The following DENND1A variants were observed in gnomAD, a reference collection of about 807,000 sequenced individuals.
DENND1A encodes DENN domain-containing protein 1A.
In DENND1A, 51 loss-of-function variants were observed where a neutral mutation model predicts 113.7. The observed-to-expected ratio is 0.45, with a 90% CI of 0.36 to 0.57. The LOEUF is 0.57. DENND1A is among the 20% of genes least tolerant of loss of function. DENND1A has a pLI of 0.00. For missense variants in DENND1A, 1,258 were observed against 1,395.9 expected (o/e 0.90, Z 1.57); for synonymous variants, 565 against 570.8 (o/e 0.99, Z 0.14).
At chr9:123,747,337 A>G (rs2131235594) in intron 5 of DENND1A, among the ~76,000 whole-genome samples, 1 of 152,300 alleles carries the variant, frequency 6.6e-6, no homozygotes, top group East Asian at 1.9e-4. Context: ...TTAACCTCAC[A>G]TGCAAAACTC....
intron 2 of DENND1A, among the ~76,000 whole-genome samples, chr9:123,795,176 C>T (rs940746361): frequency 1.3e-5 from 2 of 152,094 alleles, no homozygotes; most frequent in African/African-American, 4.8e-5. Flanking sequence ...GAAAGAAAAG[C>T]AATGCTTTTT....
chr9:123,867,714 C>T (rs1389049036), intron 2 of DENND1A, among the ~76,000 whole-genome samples: 1 of 152,096 alleles, frequency 6.6e-6, no homozygotes, highest in Non-Finnish European at 1.5e-5. Flanking sequence ...TGAACAGCTC[C>T]CCCAGTTCTC....
intron 13 of DENND1A, among the ~76,000 whole-genome samples, chr9:123,545,289 T>C (rs1589072043): frequency 6.6e-6 from 1 of 152,136 alleles, no homozygotes; most frequent in Non-Finnish European, 1.5e-5. Context: ...TTTCAGAGAA[T>C]GCAACCGCAC....
At chr9:123,516,229 T>C (rs1305938450) in intron 13 of DENND1A, among the ~76,000 whole-genome samples, 1 of 151,896 alleles carries the variant, frequency 6.6e-6, no homozygotes, top group African/African-American at 2.4e-5. Context: ...GTTGAAGCTG[T>C]GTGATGGGTA....
At chr9:123,688,899 A>T (rs972881342) in intron 5 of DENND1A, among the ~76,000 whole-genome samples, 5 of 133,152 alleles carry the variant, frequency 3.8e-5, no homozygotes, top group South Asian at 2.6e-4. Context: ...ATTTGTTGTT[A>T]AAAAAACTCC....
At chr9:123,670,964 C>A (rs2063735120) in intron 7 of DENND1A, among the ~76,000 whole-genome samples, 1 of 152,164 alleles carries the variant, frequency 6.6e-6, no homozygotes. Flanking sequence ...GAGGGTGATA[C>A]AGGCAGGCTG....
At chr9:123,418,196 C>T (rs1405949752) in intron 19 of DENND1A, among the ~76,000 whole-genome samples, 1 of 152,222 alleles carries the variant, frequency 6.6e-6, no homozygotes, top group African/African-American at 2.4e-5. Context: ...CTGCCCAGGC[C>T]TCCATATTGC....
chr9:123,764,206 C>T lies in DENND1A; in HGVS notation c.182+5308G>A, dbSNP rs1265763306. Among the ~76,000 whole-genome samples the T allele has an allele frequency of 6.6e-6, 1 of 152,106 alleles. No individual in the cohort carries two copies. The highest frequency in any genetic ancestry group is 6.5e-5 in the Admixed American group (1 of 15,268). On this transcript the variant is annotated intron_variant, in intron 4 of 23. Coordinates refer to ENST00000394215, the MANE Select transcript of DENND1A (RefSeq NM_001352964.2). The surrounding 1 kb of genome is among the most constrained non-coding windows in gnomAD (Gnocchi z 4.1). ...GGTTGCAGATTAGAGATAATGTATA[C>T]AAGATAACTAGCATATAGTAGGTAC... is the stretch of plus-strand genomic sequence containing the variant.
chr9:123,910,682 G>A (rs887188823), intron 1 of DENND1A, among the ~76,000 whole-genome samples: 7 of 152,224 alleles, frequency 4.6e-5, no homozygotes, highest in Admixed American at 4.6e-4. Context: ...GCTCACGCCT[G>A]TAATCCCAGC....
At chr9:123,842,401 T>C (rs1205425218) in intron 2 of DENND1A, among the ~76,000 whole-genome samples, 1 of 151,838 alleles carries the variant, frequency 6.6e-6, no homozygotes, top group Non-Finnish European at 1.5e-5. Context: ...TTTGCAGAAA[T>C]ACAGAGGAGC....
intron 13 of DENND1A, among the ~76,000 whole-genome samples, chr9:123,473,748 G>T (rs979216425): frequency 6.6e-6 from 1 of 152,068 alleles, no homozygotes; most frequent in African/African-American, 2.4e-5. Context: ...GGTCCTCCAG[G>T]GCCAGGCTCC....
chr9:123,918,605 T>A (rs1323810367), intron 1 of DENND1A, among the ~76,000 whole-genome samples: 2 of 152,070 alleles, frequency 1.3e-5, no homozygotes, highest in East Asian at 3.8e-4. Flanking sequence ...ATACATCCAT[T>A]TAAAGTGACA....
At chr9:123,902,439 G>C (rs1851826154) in intron 1 of DENND1A, among the ~76,000 whole-genome samples, 1 of 152,058 alleles carries the variant, frequency 6.6e-6, no homozygotes, top group African/African-American at 2.4e-5. Flanking sequence ...ATTCAACTAG[G>C]AACAATGAAC....
At chr9:123,691,497 C>T (rs2065186562) in intron 5 of DENND1A, among the ~76,000 whole-genome samples, 1 of 150,990 alleles carries the variant, frequency 6.6e-6, no homozygotes, top group Non-Finnish European at 1.5e-5. Flanking sequence ...CTCGGGGTTA[C>T]TGGATCCCAG....
intron 4 of DENND1A, among the ~76,000 whole-genome samples, chr9:123,761,718 G>A (rs1323690331): frequency 2.6e-5 from 4 of 152,142 alleles, no homozygotes; most frequent in Non-Finnish European, 4.4e-5. Context: ...TGTTTCCTTG[G>A]ACAATTTCCA....
At chr9:123,802,622 C>T (rs1834868342) in intron 2 of DENND1A, among the ~76,000 whole-genome samples, 1 of 140,630 alleles carries the variant, frequency 7.1e-6, no homozygotes, top group Non-Finnish European at 1.6e-5. Flanking sequence ...GATCCACCTT[C>T]TCTCTTTCCA....
intron 3 of DENND1A, among the ~76,000 whole-genome samples, chr9:123,791,299 C>T (rs1198410580): frequency 1.3e-5 from 2 of 151,988 alleles, no homozygotes; most frequent in African/African-American, 4.8e-5. Context: ...AAAGGAAATT[C>T]ATTAATGAAA....
At chr9:123,637,759 C>G (rs989715557) in intron 9 of DENND1A, among the ~76,000 whole-genome samples, 3 of 152,134 alleles carry the variant, frequency 2.0e-5, no homozygotes, top group Non-Finnish European at 4.4e-5. Context: ...AAAGAGCAAA[C>G]AGTGTCTTGC....
At chr9:123,394,233 G>A (rs2043003462) in intron 21 of DENND1A, among the ~76,000 whole-genome samples, 2 of 152,086 alleles carry the variant, frequency 1.3e-5, no homozygotes, top group Admixed American at 1.3e-4. Context: ...CCTAAACTTA[G>A]GCAATCCATC....
Sources: allele counts gnomAD v4.1 joint callset (sites outside exome capture counted in the v4.1 genomes callset), GRCh38; gene constraint gnomAD v4.1.1; non-coding constraint Gnocchi (gnomAD v3.1); transcripts MANE v1.5; gene names NCBI Gene and HGNC (gene_info 2026-07-23, HGNC 2026-07-21).